DENND4A: variants seen among roughly 807,000 people sequenced by gnomAD.
DENND4A encodes DENN domain containing 4A.
Under a neutral mutation model 199.3 loss-of-function variants are expected in DENND4A, and 70 were observed. The observed-to-expected ratio is 0.35, with a 90% CI of 0.29 to 0.43. The LOEUF (loss-of-function observed/expected upper bound fraction) is 0.43, where lower values mean the gene tolerates loss of function less well. Ranked by LOEUF, DENND4A falls within the 20% of genes least tolerant of loss-of-function variation. The pLI is 1.00. For missense variants in DENND4A, 1,723 were observed against 2,255.8 expected (o/e 0.76, Z 4.78); for synonymous variants, 686 against 766.9 (o/e 0.89, Z 1.74).
intron 4 of DENND4A, among the ~76,000 whole-genome samples, chr15:65,745,968 T>C (rs1323628791): frequency 6.7e-6 from 1 of 149,962 alleles, no homozygotes; most frequent in African/African-American, 2.5e-5. Flanking sequence ...ACCCCGTCTC[T>C]ACCAAAAAAA....
intron 7 of DENND4A, among the ~76,000 whole-genome samples, chr15:65,735,214 C>T (rs188428988): frequency 9.9e-5 from 15 of 152,100 alleles, no homozygotes; most frequent in Admixed American, 3.9e-4. Flanking sequence ...CCTGTCTCTA[C>T]CAAAAATACA....
At chr15:65,705,019 G>C (rs1596479068) in intron 15 of DENND4A, among the ~76,000 whole-genome samples, 1 of 152,134 alleles carries the variant, frequency 6.6e-6, no homozygotes, top group African/African-American at 2.4e-5. Flanking sequence ...AAGTACAAAA[G>C]AGATTAAAAA....
At chr15:65,745,529 T>C (rs1216379594) in intron 4 of DENND4A, among the ~76,000 whole-genome samples, 1 of 152,102 alleles carries the variant, frequency 6.6e-6, no homozygotes, top group Non-Finnish European at 1.5e-5. Flanking sequence ...ATTTTTTAAG[T>C]CACATGAATA....
At chr15:65,685,715 C>A (rs2142021586) in intron 23 of DENND4A, among the ~76,000 whole-genome samples, 1 of 152,210 alleles carries the variant, frequency 6.6e-6, no homozygotes, top group South Asian at 2.1e-4. Context: ...GCAGAACTTG[C>A]AGATACAGAA....
chr15:65,777,647 C>T lies in DENND4A; in HGVS notation c.-102+14363G>A, dbSNP rs568672695. ...GCATTATGGGTGTGAGCCACTGCACCGGGCCACAAACAAAAAAATTGATTA... is the reference window on the plus strand; with the variant it reads ...GCATTATGGGTGTGAGCCACTGCACTGGGCCACAAACAAAAAAATTGATTA... On this transcript the variant is annotated intron_variant, in intron 1 of 32. Transcript: ENST00000443035. Among the ~76,000 whole-genome samples, 7 of 152,020 alleles carry T rather than the reference C, an allele frequency of 4.6e-5. No homozygotes were observed. The South Asian group carries it at 6.2e-4, about 14-fold the overall frequency.
intron 12 of DENND4A, among the ~76,000 whole-genome samples, chr15:65,721,517 C>T (rs1289087074): frequency 2.0e-5 from 3 of 150,492 alleles, no homozygotes; most frequent in Non-Finnish European, 3.0e-5. Context: ...TTTAATTTTC[C>T]TTAACAGTAG....
At chr15:65,739,242 T>C (rs1244047669) in intron 5 of DENND4A, among the ~76,000 whole-genome samples, 1 of 152,236 alleles carries the variant, frequency 6.6e-6, no homozygotes, top group Admixed American at 6.5e-5. Flanking sequence ...TTCATCTATC[T>C]ACTTCATCAG....
intron 1 of DENND4A, among the ~76,000 whole-genome samples, chr15:65,780,267 T>C (rs999480075): frequency 1.1e-4 from 16 of 152,118 alleles, no homozygotes; most frequent in African/African-American, 3.9e-4. Flanking sequence ...TAAAAAAATA[T>C]AGTCTTAGTA....
intron 30 of DENND4A, chr15:65,665,011 T>TA (rs2075988967): frequency 8.8e-6 from 4 of 454,136 alleles, no homozygotes; most frequent in Non-Finnish European, 1.5e-5. Flanking sequence ...TGGAAACAAA[T>TA]AAAAAATAAG....
intron 9 of DENND4A, chr15:65,731,296 C>T: frequency 3.0e-6 from 1 of 328,452 alleles, no homozygotes; most frequent in Non-Finnish European, 6.1e-6. Flanking sequence ...AAATTAATTG[C>T]ATTTTAAAAA....
At chr15:65,762,395 A>C (rs1279768833) in intron 1 of DENND4A, among the ~76,000 whole-genome samples, 1 of 152,112 alleles carries the variant, frequency 6.6e-6, no homozygotes, top group Non-Finnish European at 1.5e-5. Flanking sequence ...AGGCCAAGGC[A>C]GGAGGATTGC....
At chr15:65,720,525 C>G (rs2075583099) in intron 12 of DENND4A, among the ~76,000 whole-genome samples, 1 of 151,720 alleles carries the variant, frequency 6.6e-6, no homozygotes, top group Non-Finnish European at 1.5e-5. Flanking sequence ...TATTCTCCAG[C>G]CTCAGCCTCC....
In DENND4A at chr15:65,738,712, A is replaced by G. The variant is rs1456981618; in HGVS notation, c.795T>C (p.Ala265=). 1.9e-6 allele frequency: 3 copies of G among 1,607,816 alleles called. No individual in the cohort carries two copies. In the Admixed American group the frequency reaches 5.1e-5, roughly 27 times the overall value. ...FSTFVLTGAS[A]EKVYGAAIQF... ...TTTGTCAAACACATAATACCTTTTC[A>G]GCTGAGGCTCCAGTTAAAACAAAAG... The change falls in exon 6 of 33, where the codon GCT becomes GCC. Residue 265 remains alanine (A), a synonymous_variant. Coordinates refer to ENST00000443035, the MANE Select transcript of DENND4A (RefSeq NM_001320835.1).
Position 65,786,760 on chromosome 15 carries a change from T to C in DENND4A, c.-102+5250A>G, listed in dbSNP as rs1388753822. On this transcript the variant is annotated intron_variant, in intron 1 of 32. Coordinates refer to ENST00000443035, the MANE Select transcript of DENND4A (RefSeq NM_001320835.1). ...AGTCAAGATTCACACCAAGGGAGTA[T>C]GATTTGAAATGTACTACAATGTGCA... Among the ~76,000 whole-genome samples the C allele has an allele frequency of 2.0e-5, 3 of 152,162 alleles. No individual in the cohort carries two copies. The East Asian group carries it at 5.8e-4, about 29-fold the overall frequency.
At chr15:65,666,048 C>T (rs1330981791) in intron 29 of DENND4A, among the ~76,000 whole-genome samples, 3 of 152,088 alleles carry the variant, frequency 2.0e-5, no homozygotes, top group Non-Finnish European at 2.9e-5. Context: ...AAAGGAATGA[C>T]GAGAGTGGTA....
intron 14 of DENND4A, among the ~76,000 whole-genome samples, chr15:65,711,890 G>A (rs2075262884): frequency 6.6e-6 from 1 of 152,074 alleles, no homozygotes; most frequent in Non-Finnish European, 1.5e-5. Context: ...CCAACTCCTG[G>A]GCTCCCCGCT....
chr15:65,765,233 T>C (rs986045333), intron 1 of DENND4A, among the ~76,000 whole-genome samples: 2 of 152,224 alleles, frequency 1.3e-5, no homozygotes, highest in East Asian at 1.9e-4. Flanking sequence ...ATCACAGCTA[T>C]TGCCTTACTT....
At chr15:65,773,491 A>C (rs141260785) in intron 1 of DENND4A, among the ~76,000 whole-genome samples, 162 of 152,334 alleles carry the variant, frequency 1.1e-3, no homozygotes, top group African/African-American at 3.8e-3. Flanking sequence ...TGAGGAGTCA[A>C]AAAAGAACGA....
At chr15:65,778,399 C>T (rs2077340199) in intron 1 of DENND4A, among the ~76,000 whole-genome samples, 1 of 144,616 alleles carries the variant, frequency 6.9e-6, no homozygotes, top group Admixed American at 7.0e-5. Flanking sequence ...ATCTTAAAAA[C>T]ATGACATTTC....
Sources: allele counts gnomAD v4.1 joint callset (sites outside exome capture counted in the v4.1 genomes callset), GRCh38; gene constraint gnomAD v4.1.1; transcripts MANE v1.5; gene names NCBI Gene and HGNC (gene_info 2026-07-23, HGNC 2026-07-21).